The following MAGI2 variants were observed in gnomAD, a reference collection of about 807,000 sequenced individuals.
The protein encoded by MAGI2 is membrane-associated guanylate kinase, WW and PDZ domain-containing protein 2.
In MAGI2, 35 loss-of-function variants were observed where a neutral mutation model predicts 133.3. That is an observed-to-expected ratio of 0.26 (90% CI 0.20 to 0.35). The LOEUF is 0.35. MAGI2 is among the 10% of genes least tolerant of loss of function. MAGI2 has a pLI of 1.00. For synonymous variants in MAGI2, 729 were observed against 710.6 expected (o/e 1.03, Z -0.41); for missense variants, 1,636 against 1,863.4 (o/e 0.88, Z 2.25).
At chr7:78,474,479 T>C (rs966938033) in intron 6 of MAGI2, among the ~76,000 whole-genome samples, 6 of 151,892 alleles carry the variant, frequency 4.0e-5, no homozygotes, top group Admixed American at 2.6e-4. Flanking sequence ...TTATAACAAA[T>C]TAAATATAAT....
intron 2 of MAGI2, among the ~76,000 whole-genome samples, chr7:78,775,320 T>TAAAAAAAAAAAAAAAAAAAAAAA (rs3086258): frequency 1.7e-4 from 10 of 57,358 alleles, no homozygotes; most frequent in Admixed American, 5.4e-4. Context: ...CGTCTCAAAT[T>TAAAAAAAAAAAAAAAAAAAAAAA]AAAAAAAAAA....
rs1824048926 is a variant in MAGI2 at position 78,757,302 on chromosome 7, T to C, written c.419-130063A>G. Among the ~76,000 whole-genome samples, 4 of 124,312 alleles carry C rather than the reference T, an allele frequency of 3.2e-5. No individual in the cohort carries two copies. In the Admixed American group the frequency reaches 3.3e-4, roughly 10 times the overall value. The allele number at this position is 124,312 out of a possible 152,430, so 81.6% of individuals were successfully genotyped here. A position where few individuals can be genotyped will look rare whatever the true frequency, so the allele number is the denominator to read the frequency against. On this transcript the variant is annotated intron_variant, in intron 2 of 21. Transcript: ENST00000354212. ...TCCTCCCTCCCTCCCTCCTTCTCCC[T>C]CCTTCTCTCTCTCTCTCTCTCTCTC...
intron 2 of MAGI2, among the ~76,000 whole-genome samples, chr7:78,980,848 A>G (rs1247474549): frequency 6.6e-6 from 1 of 151,816 alleles, no homozygotes; most frequent in Non-Finnish European, 1.5e-5. Flanking sequence ...TCTGTTAAAT[A>G]TAAATTCAGT....
chr7:78,163,877 A>C (rs1466103217), intron 15 of MAGI2, among the ~76,000 whole-genome samples: 2 of 145,852 alleles, frequency 1.4e-5, no homozygotes, highest in African/African-American at 5.1e-5. Flanking sequence ...ACTGCACTCC[A>C]GCCTGGGCAA....
chr7:78,567,773 A>C (rs1341073415), intron 3 of MAGI2, among the ~76,000 whole-genome samples: 2 of 151,758 alleles, frequency 1.3e-5, no homozygotes, highest in African/African-American at 2.4e-5. Flanking sequence ...CACAACAAAA[A>C]CCTATTTTCA....
At chr7:78,613,619 T>C (rs1806719348) in intron 3 of MAGI2, among the ~76,000 whole-genome samples, 1 of 151,968 alleles carries the variant, frequency 6.6e-6, no homozygotes. Context: ...ACAAAACACG[T>C]GAAAGCCTAG....
At chr7:78,697,219 A>G (rs779641847) in intron 2 of MAGI2, among the ~76,000 whole-genome samples, 1 of 151,894 alleles carries the variant, frequency 6.6e-6, no homozygotes, top group Non-Finnish European at 1.5e-5. Flanking sequence ...CCTCTACATC[A>G]CTGAGTTGAT....
chr7:79,022,640 A>G (rs527869619), intron 1 of MAGI2, among the ~76,000 whole-genome samples: 1 of 128,998 alleles, frequency 7.8e-6, no homozygotes, highest in East Asian at 2.2e-4. Context: ...AAAAAGAGAC[A>G]AGATCCAAAA....
At chr7:78,992,445 G>A (rs1456263137) in intron 2 of MAGI2, among the ~76,000 whole-genome samples, 1 of 151,934 alleles carries the variant, frequency 6.6e-6, no homozygotes, top group South Asian at 2.1e-4. Context: ...AATTTAATGG[G>A]TTATTAAGTG....
At chr7:78,791,635 G>A (rs768367783) in intron 2 of MAGI2, among the ~76,000 whole-genome samples, 9 of 149,894 alleles carry the variant, frequency 6.0e-5, no homozygotes, top group South Asian at 2.1e-4. Flanking sequence ...TCGGCCTCCC[G>A]GGATCAAGGG....
chr7:78,518,647 C>T (rs1386006552), intron 4 of MAGI2: 1 of 152,064 alleles, frequency 6.6e-6, no homozygotes, highest in Admixed American at 6.6e-5. Context: ...TATTTATGCT[C>T]TGAATTGAAG....
rs1213574150 is a variant in MAGI2, at chr7:78,345,904, T to A, written c.1225+18A>T. ...ACAATTTTCCCTTTGAAACATCACA[T>A]GCTGACAGGTATCATACCTCGGAAA... is the stretch of plus-strand genomic sequence containing the variant. On this transcript the variant is annotated intron_variant, in intron 8 of 21. Transcript: ENST00000354212. The A allele has an allele frequency of 6.2e-7, 1 of 1,612,370 alleles. No homozygotes were observed. The highest frequency in any genetic ancestry group is 8.5e-7 in the Non-Finnish European group (1 of 1,179,586).
At chr7:79,448,256 C>G (rs1393245634) in intron 1 of MAGI2, among the ~76,000 whole-genome samples, 1 of 151,872 alleles carries the variant, frequency 6.6e-6, no homozygotes, top group East Asian at 1.9e-4. Flanking sequence ...TGATATTATT[C>G]TTCAAATAAA....
chr7:79,305,634 G>T (rs1002316724), intron 1 of MAGI2, among the ~76,000 whole-genome samples: 1 of 152,040 alleles, frequency 6.6e-6, no homozygotes, highest in African/African-American at 2.4e-5. Context: ...ATCTAGGCTG[G>T]TCACGGTGGC....
chr7:79,017,476 G>A (rs1464306079), intron 1 of MAGI2, among the ~76,000 whole-genome samples: 1 of 152,284 alleles, frequency 6.6e-6, no homozygotes, highest in Admixed American at 6.5e-5. Flanking sequence ...ATCAGCCCAC[G>A]AAGATGAGAA....
intron 6 of MAGI2, among the ~76,000 whole-genome samples, chr7:78,474,319 A>G (rs897077606): frequency 6.6e-6 from 1 of 152,012 alleles, no homozygotes; most frequent in Non-Finnish European, 1.5e-5. Context: ...AAAGGAATCT[A>G]TGTGATAGTG....
intron 2 of MAGI2, among the ~76,000 whole-genome samples, chr7:78,902,096 C>T (rs1412567343): frequency 6.6e-6 from 1 of 152,044 alleles, no homozygotes; most frequent in East Asian, 1.9e-4. Context: ...TTTTCATTTC[C>T]TTTCAGACAA....
intron 1 of MAGI2, among the ~76,000 whole-genome samples, chr7:79,040,471 G>A (rs1290768291): frequency 1.3e-5 from 2 of 152,104 alleles, no homozygotes; most frequent in Non-Finnish European, 2.9e-5. Flanking sequence ...AGGGCAAGCG[G>A]GAGGGAGAGG....
intron 2 of MAGI2, among the ~76,000 whole-genome samples, chr7:78,886,701 T>C (rs1379523238): frequency 1.3e-5 from 2 of 152,238 alleles, no homozygotes; most frequent in African/African-American, 4.8e-5. Flanking sequence ...GTAATGTTTT[T>C]AGTAATTCTT....
Sources: gnomAD v4.1 joint callset for allele counts (sites outside exome capture counted in the v4.1 genomes callset) on GRCh38, gnomAD v4.1.1 for gene constraint, MANE v1.5 for transcripts, NCBI Gene and HGNC (gene_info 2026-07-23, HGNC 2026-07-21) for gene names.